The following SLTM variants were observed in gnomAD, a reference collection of about 807,000 sequenced individuals.
The protein encoded by SLTM is SAFB like transcription modulator.
In SLTM, 43 loss-of-function variants were observed where a neutral mutation model predicts 134.6. The observed-to-expected ratio is 0.32, with a 90% CI of 0.25 to 0.41. The LOEUF (loss-of-function observed/expected upper bound fraction) is 0.41. Ranked by LOEUF, SLTM falls within the 10% of genes least tolerant of loss-of-function variation. SLTM has a pLI of 1.00. For missense variants in SLTM, 1,055 were observed against 1,288.8 expected (o/e 0.82, Z 2.78); for synonymous variants, 424 against 432.3 (o/e 0.98, Z 0.24).
chr15:58,888,623 G>T (rs755184310), intron 16 of SLTM, 68 bp from the exon 17 acceptor site: 2 of 1,487,232 alleles, frequency 1.3e-6, no homozygotes, highest in Non-Finnish European at 9.2e-7. Context: ...TTTACTTGGA[G>T]TCATACATAC....
intron 19 of SLTM, among the ~76,000 whole-genome samples, chr15:58,885,876 G>C (rs1053683402): frequency 1.2e-4 from 18 of 151,946 alleles, no homozygotes; most frequent in Non-Finnish European, 4.4e-5. Flanking sequence ...ATATAATGGA[G>C]ACACACACAC....
Position 58,894,192 on chromosome 15 carries a change from ACCTG to A in SLTM, c.1378-3_1378del. ...TTCTTTCTTAGAGGGATCACCTTTT[ACCTG>A]AAAGGTTCGAACCAGAAAAACAATT... On this transcript the variant is annotated splice_acceptor_variant and splice_polypyrimidine_tract_variant and coding_sequence_variant and intron_variant, in exon 11 of 21. Coordinates refer to ENST00000380516, the MANE Select transcript of SLTM (RefSeq NM_024755.4). LOFTEE classifies it high-confidence loss of function. 1 of 1,601,878 alleles carries A rather than the reference ACCTG, an allele frequency of 6.2e-7. No homozygotes were observed. The highest frequency in any genetic ancestry group is 8.5e-7 in the Non-Finnish European group (1 of 1,172,516).
intron 5 of SLTM, among the ~76,000 whole-genome samples, chr15:58,902,394 T>TG (rs1224000412): frequency 6.6e-6 from 1 of 150,792 alleles, no homozygotes; most frequent in Non-Finnish European, 1.5e-5. Flanking sequence ...TGATTGTTTT[T>TG]TTTTTTTTTT....
At chr15:58,932,268 A>T in intron 2 of SLTM, 88 bp downstream of exon 2, 1 of 930,742 alleles carries the variant, frequency 1.1e-6, no homozygotes, top group Non-Finnish European at 1.8e-6. Context: ...AAAGAGTAGC[A>T]CTATATAAAC....
At chr15:58,892,157 G>C (rs1387787525) in intron 14 of SLTM, among the ~76,000 whole-genome samples, 1 of 152,104 alleles carries the variant, frequency 6.6e-6, no homozygotes, top group East Asian at 1.9e-4. Context: ...GTAACCCCTG[G>C]ACAAGACAGC....
intron 9 of SLTM, 57 bp downstream of exon 9, chr15:58,897,058 A>G: frequency 1.0e-6 from 1 of 981,094 alleles, no homozygotes; most frequent in East Asian, 2.4e-5. Flanking sequence ...TTAGAATACA[A>G]TCCTCATTTC....
Position 58,893,830 on chromosome 15 carries a change from T to C in SLTM, c.1639A>G (p.Lys547Glu). ...AAGATGTATAGCATACTTATTCGCT[T>C]CTTTTCTTCACTTTTTTTAATCGAT... ...SESIKKSEEK[K>E]RISSKSPGHM... The change falls in exon 12 of 21, where the codon AAG becomes GAG. Residue 547 changes from lysine to glutamate, a missense_variant. Lys to Glu is a moderately conservative substitution (Grantham distance 56). Coordinates refer to ENST00000380516, the MANE Select transcript of SLTM (RefSeq NM_024755.4). 1 of 1,608,700 alleles carries C rather than the reference T, an allele frequency of 6.2e-7. No homozygotes were observed. Among genetic ancestry groups the C allele is most frequent in the Non-Finnish European group, 8.5e-7 (1 of 1,178,754 alleles).
chr15:58,887,140 A>G, intron 18 of SLTM, 21 bp from the exon 19 acceptor site: 2 of 1,613,828 alleles, frequency 1.2e-6, no homozygotes, highest in Non-Finnish European at 1.7e-6. Flanking sequence ...AAACATAAAA[A>G]CATACATGAT....
Position 58,887,062 on chromosome 15 carries a change from A to G in SLTM, c.2748T>C (p.Ala916=), listed in dbSNP as rs1293474439. The G allele has an allele frequency of 1.2e-6, 2 of 1,613,644 alleles. No individual in the cohort carries two copies. Among genetic ancestry groups the G allele is most frequent in the Non-Finnish European group, 1.7e-6 (2 of 1,180,026 alleles). ...AAGCGCTGCTACGATTCCCAGGGGGAGCGCCTCTCACACTGTGCCCTGATA... is the reference window on the plus strand; with the variant it reads ...AAGCGCTGCTACGATTCCCAGGGGGGGCGCCTCTCACACTGTGCCCTGATA... ...REVSGHSVRG[A]PPGNRSSASG... The change falls in exon 19 of 21, where the codon GCT becomes GCC. Residue 916 remains alanine (A), a synonymous_variant. Transcript: ENST00000380516.
intron 2 of SLTM, among the ~76,000 whole-genome samples, chr15:58,930,469 C>G (rs1268843212): frequency 6.6e-6 from 1 of 151,818 alleles, no homozygotes; most frequent in Admixed American, 6.6e-5. Flanking sequence ...CTTAAGACCT[C>G]TTAACATCAG....
intron 17 of SLTM, 104 bp from the exon 18 acceptor site, chr15:58,887,644 G>C (rs534468632): frequency 4.7e-6 from 7 of 1,489,346 alleles, no homozygotes; most frequent in Non-Finnish European, 6.2e-6. Flanking sequence ...ACCAAAAAAT[G>C]AACTTAAGGC....
intron 5 of SLTM, among the ~76,000 whole-genome samples, chr15:58,906,955 C>T (rs1193542944): frequency 6.6e-6 from 1 of 152,140 alleles, no homozygotes; most frequent in East Asian, 1.9e-4. Flanking sequence ...CATCATCACA[C>T]CTAGGTATTT....
In SLTM at chr15:58,888,407, C is replaced by T; in HGVS notation, c.2353G>A (p.Val785Ile). Reference protein sequence around the residue: ...ERGRFPESSAVQSSSFERRDR... With the variant: ...ERGRFPESSAIQSSSFERRDR... ...TACCTTTCAAAAGATGAAGACTGTA[C>T]TGCTGAACTCTCAGGAAACCTGCCC... The change falls in exon 17 of 21, where the codon GTA becomes ATA. Residue 785 changes from valine to isoleucine, a missense_variant. Transcript: ENST00000380516. 1 of 1,610,000 alleles carries T rather than the reference C, an allele frequency of 6.2e-7. No homozygotes were observed. Among genetic ancestry groups the T allele is most frequent in the Non-Finnish European group, 8.5e-7 (1 of 1,178,938 alleles).
intron 15 of SLTM, 80 bp downstream of exon 15, chr15:58,890,201 A>C: frequency 6.6e-7 from 1 of 1,513,580 alleles, no homozygotes; most frequent in Non-Finnish European, 9.0e-7. Flanking sequence ...CTTTACAACA[A>C]GTAAAGCAAG....
Position 58,894,070 on chromosome 15 carries a change from A to G in SLTM, c.1481+20T>C. On this transcript the variant is annotated intron_variant, in intron 11 of 20. Coordinates refer to ENST00000380516, the MANE Select transcript of SLTM (RefSeq NM_024755.4). ...AGTCTATCTGCTTATCAAAATAAAT[A>G]AATAAAAATAAATCCTTACTTGCTA... 7 of 1,590,538 alleles carry G rather than the reference A, an allele frequency of 4.4e-6. No individual in the cohort carries two copies. In the South Asian group the frequency reaches 8.0e-5, roughly 18 times the overall value.
Position 58,889,490 on chromosome 15 carries a change from T to A in SLTM, c.2144A>T (p.Gln715Leu). 2 of 1,614,162 alleles carry A rather than the reference T, an allele frequency of 1.2e-6. No individual in the cohort carries two copies. Among genetic ancestry groups the A allele is most frequent in the Non-Finnish European group, 1.7e-6 (2 of 1,179,970 alleles). ...EREELRRQQQ[Q>L]LRYEQEKRNS... is the part of the protein sequence containing the mutation. ...CCTTTTTTCTTGTTCATAACGAAGCTGCTGTTGTTGCCTTCTGAGTTCCTC... is the reference window on the plus strand; with the variant it reads ...CCTTTTTTCTTGTTCATAACGAAGCAGCTGTTGTTGCCTTCTGAGTTCCTC... The change falls in exon 16 of 21, where the codon CAG becomes CTG. Residue 715 changes from glutamine (Q) to leucine (L), a missense_variant. By Grantham distance (113) the Gln-to-Leu change is moderately radical (BLOSUM62 -2). This residue lies in a region of SLTM where 776 missense variants were observed against 962.2 expected (regional missense o/e 0.81). Coordinates refer to ENST00000380516, the MANE Select transcript of SLTM (RefSeq NM_024755.4).
rs1833937516 is a variant in SLTM at position 58,879,538 on chromosome 15, C to G, written c.*461G>C. The stretch of plus-strand genomic sequence containing the variant: ...CTGCAAAAATAGGTTACATAATACT[C>G]AGAAATGCAATGAACAATCTTATTC... On this transcript the variant is annotated 3_prime_UTR_variant, in exon 21 of 21. Transcript: ENST00000380516. The G allele has an allele frequency of 6.5e-6, 1 of 153,096 alleles. No individual in the cohort carries two copies. The highest frequency in any genetic ancestry group is 2.1e-4 in the South Asian group (1 of 4,846). 9.5% of individuals were successfully genotyped at this position (153,096 alleles called of 1,614,324 possible).
intron 5 of SLTM, among the ~76,000 whole-genome samples, chr15:58,908,115 G>A (rs1351320127): frequency 6.7e-6 from 1 of 149,836 alleles, no homozygotes; most frequent in Non-Finnish European, 1.5e-5. Context: ...TGAGTGCAGT[G>A]GCACAATCAC....
rs1295546443 is a variant in SLTM, at chr15:58,887,311, G to T, written c.2605C>A (p.His869Asn). The T allele has an allele frequency of 1.9e-6, 3 of 1,614,016 alleles. No homozygotes were observed. The highest frequency in any genetic ancestry group is 2.5e-6 in the Non-Finnish European group (3 of 1,180,036). The change falls in exon 18 of 21, where the codon CAT (histidine) becomes AAT (asparagine). Residue 869 changes from histidine to asparagine, a missense_variant. His to Asn is a moderately conservative substitution (Grantham distance 68, BLOSUM62 1). Around this residue, in one of 3 missense-constraint regions of SLTM, gnomAD observed 776 missense variants for 962.2 expected, o/e 0.81. Transcript: ENST00000380516. ...HDRPDITHPR[H>N]PREAGPNPSR... ...GGATTGGGCCCTGCCTCTCGAGGATGTCTAGGATGAGTGATATCAGGCCTG... is the reference window on the plus strand; with the variant it reads ...GGATTGGGCCCTGCCTCTCGAGGATTTCTAGGATGAGTGATATCAGGCCTG...
Sources: allele counts gnomAD v4.1 joint callset (sites outside exome capture counted in the v4.1 genomes callset), GRCh38; gene constraint gnomAD v4.1.1; regional missense constraint gnomAD v4.1.1; transcripts MANE v1.5; gene names NCBI Gene and HGNC (gene_info 2026-07-23, HGNC 2026-07-21).